INVS: variants seen among roughly 807,000 people sequenced by gnomAD.
INVS encodes inversin.
INVS carries 86 observed loss-of-function variants against 108.8 expected under a neutral mutation model. The observed-to-expected ratio is 0.79, with a 90% CI of 0.66 to 0.95. INVS has a LOEUF of 0.95. INVS is among the 40% of genes least tolerant of loss of function. INVS has a pLI of 0.00. For synonymous variants in INVS, 455 were observed against 473.5 expected, an observed-to-expected ratio of 0.96 and a Z score of 0.51; for missense variants, 1,169 against 1,297.4, an observed-to-expected ratio of 0.90 and a Z score of 1.52.
intron 3 of INVS, among the ~76,000 whole-genome samples, chr9:100,202,092 G>GTTTTTTTTTT (rs35296886): frequency 1.4e-5 from 2 of 147,870 alleles, no homozygotes. Flanking sequence ...TATTACAATA[G>GTTTTTTTTTT]TTTTTTTTTT....
chr9:100,102,329 G>T (rs1827021747), intron 1 of INVS, among the ~76,000 whole-genome samples: 1 of 152,010 alleles, frequency 6.6e-6, no homozygotes, highest in South Asian at 2.1e-4. Context: ...TCAAACTCCT[G>T]TCATATGTTT....
At chr9:100,171,791 A>G (rs2119041412) in intron 3 of INVS, among the ~76,000 whole-genome samples, 1 of 152,220 alleles carries the variant, frequency 6.6e-6, no homozygotes, top group South Asian at 2.1e-4. Flanking sequence ...GATTTTCTCC[A>G]TGCATCTCTT....
Position 100,126,529 on chromosome 9 carries a change from C to T in INVS, c.253C>T (p.Leu85Phe), listed in dbSNP as rs1305127728. 6.2e-7 allele frequency: 1 copy of T among 1,614,182 alleles called. No individual in the cohort carries two copies. Among genetic ancestry groups the T allele is most frequent in the Admixed American group, 1.7e-5 (1 of 60,022 alleles). ...NKTDHSQRTA[L>F]HLAAQKGNYR... is the part of the protein sequence containing the mutation. ...AACTGACCATAGCCAGAGAACAGCC[C>T]TCCATCTTGCAGCCCAGAAGGTGAG... is the stretch of plus-strand genomic sequence containing the variant. Residue 85 changes from leucine to phenylalanine, a missense_variant, in exon 3 of 17, where the codon CTC (leucine) becomes TTC (phenylalanine). Transcript: ENST00000262457.
chr9:100,255,840 A>G (rs1164047400), intron 10 of INVS, among the ~76,000 whole-genome samples: 1 of 152,120 alleles, frequency 6.6e-6, no homozygotes, highest in Non-Finnish European at 1.5e-5. Flanking sequence ...AAATTTTTGC[A>G]TCGATGTTCA....
intron 2 of INVS, among the ~76,000 whole-genome samples, chr9:100,123,005 C>T (rs888610480): frequency 2.6e-5 from 4 of 152,076 alleles, no homozygotes; most frequent in Admixed American, 2.0e-4. Flanking sequence ...ACTGCATGTT[C>T]CTTCTATTTT....
intron 5 of INVS, among the ~76,000 whole-genome samples, chr9:100,233,112 T>C (rs1482731727): frequency 6.6e-6 from 1 of 152,140 alleles, no homozygotes; most frequent in Non-Finnish European, 1.5e-5. Context: ...TATTCCTAGG[T>C]ATTTTATTTC....
intron 3 of INVS, among the ~76,000 whole-genome samples, chr9:100,142,354 G>A (rs549864645): frequency 2.0e-5 from 3 of 152,262 alleles, no homozygotes; most frequent in Non-Finnish European, 2.9e-5. Context: ...GGGGCAGAGC[G>A]GTAGCCTCAA....
chr9:100,273,724 G>A (rs1833032248), intron 12 of INVS, among the ~76,000 whole-genome samples: 1 of 151,000 alleles, frequency 6.6e-6, no homozygotes, highest in African/African-American at 2.4e-5. Context: ...TTTTAGTAGA[G>A]ATGGGGTTTC....
intron 3 of INVS, among the ~76,000 whole-genome samples, chr9:100,181,992 C>A (rs1176246952): frequency 6.6e-6 from 1 of 152,036 alleles, no homozygotes; most frequent in Non-Finnish European, 1.5e-5. Context: ...CTTTGACAAA[C>A]CTGACAAAAA....
intron 3 of INVS, among the ~76,000 whole-genome samples, chr9:100,138,724 CAA>C (rs1031829763): frequency 1.9e-5 from 1 of 53,926 alleles, no homozygotes; most frequent in South Asian, 8.0e-4. Context: ...TTTTTCCTTT[CAA>C]GAGAGAGTCT....
At chr9:100,103,726 G>A (rs1827085967) in intron 1 of INVS, among the ~76,000 whole-genome samples, 1 of 150,504 alleles carries the variant, frequency 6.6e-6, no homozygotes, top group South Asian at 2.1e-4. Context: ...GGAGGGGATG[G>A]GATTTGTAGA....
chr9:100,129,791 A>G lies in INVS; in HGVS notation c.273+3242A>G, dbSNP rs1588022912. The G allele has an allele frequency of 2.2e-5, 14 of 636,584 alleles. No individual in the cohort carries two copies. In the East Asian group the frequency reaches 3.9e-4, roughly 18 times the overall value. The allele number at this position is 636,584 out of a possible 1,614,324, so 39.4% of individuals were successfully genotyped here. A position where few individuals can be genotyped will look rare whatever the true frequency, so the allele number is the denominator to read the frequency against. ...GCCTTTTCCTTTATGACATTTTCCA[A>G]ACTGGAATGCAAAAGAATACAACCC... On this transcript the variant is annotated intron_variant, in intron 3 of 16. Coordinates refer to ENST00000262457, the MANE Select transcript of INVS (RefSeq NM_014425.5).
At chr9:100,224,805 G>A (rs947742590) in intron 3 of INVS, among the ~76,000 whole-genome samples, 3 of 151,126 alleles carry the variant, frequency 2.0e-5, no homozygotes, top group Non-Finnish European at 4.4e-5. Context: ...TAGTAGAGAC[G>A]GGGTTTCACC....
intron 3 of INVS, among the ~76,000 whole-genome samples, chr9:100,185,355 G>T: frequency 6.6e-6 from 1 of 151,352 alleles, no homozygotes; most frequent in East Asian, 1.9e-4. Flanking sequence ...ACACCAGAAA[G>T]TTCCTTTTTT....
intron 7 of INVS, among the ~76,000 whole-genome samples, chr9:100,245,191 A>G (rs1832003275): frequency 6.6e-6 from 1 of 152,190 alleles, no homozygotes; most frequent in Non-Finnish European, 1.5e-5. Flanking sequence ...TAAAGAGGCA[A>G]TTTAAAATGC....
At chr9:100,142,879 A>G (rs2118953675) in intron 3 of INVS, among the ~76,000 whole-genome samples, 1 of 152,264 alleles carries the variant, frequency 6.6e-6, no homozygotes, top group Admixed American at 6.5e-5. Context: ...TTCTGACCTT[A>G]CTAACCATGC....
intron 3 of INVS, among the ~76,000 whole-genome samples, chr9:100,167,216 ACT>A (rs1265639701): frequency 1.3e-5 from 2 of 150,656 alleles, no homozygotes; most frequent in African/African-American, 2.4e-5. Context: ...GCAGAGGGAG[ACT>A]CTATCTCAAA....
chr9:100,267,055 A>T (rs1832817895), intron 11 of INVS, among the ~76,000 whole-genome samples: 1 of 151,060 alleles, frequency 6.6e-6, no homozygotes, highest in Admixed American at 6.6e-5. Flanking sequence ...AAAGTTTAAG[A>T]ATCCTTAGAC....
rs143147988 is a variant in INVS at position 100,198,718 on chromosome 9, G to A, written c.274-27344G>A. Among the ~76,000 whole-genome samples the A allele has an allele frequency of 6.6e-3, 999 of 151,146 alleles. 9 individuals are homozygous for A. Among genetic ancestry groups the A allele is most frequent in the African/African-American group, 0.023 (962 of 41,086 alleles). On this transcript the variant is annotated intron_variant, in intron 3 of 16. Transcript: ENST00000262457. ...AGCAATTCTTCTGCCTCAGCCTCCC[G>A]TGTAGCTGGGACTACGGGCATGCAC...
Sources: gnomAD v4.1 joint callset for allele counts (sites outside exome capture counted in the v4.1 genomes callset) on GRCh38, gnomAD v4.1.1 for gene constraint, MANE v1.5 for transcripts, NCBI Gene and HGNC (gene_info 2026-07-23, HGNC 2026-07-21) for gene names.